Variants in PAFAH2 observed in about 807,000 individuals in gnomAD.
The protein encoded by PAFAH2 is platelet activating factor acetylhydrolase 2.
A neutral mutation model predicts 49.0 loss-of-function variants in PAFAH2; 42 were observed. The observed-to-expected ratio is 0.86, with a 90% confidence interval of 0.67 to 1.11. The LOEUF (loss-of-function observed/expected upper bound fraction) is 1.11, where lower values mean the gene tolerates loss of function less well. Ranked by LOEUF, PAFAH2 falls within the 50% of genes least tolerant of loss-of-function variation. The pLI is 0.00. For synonymous variants in PAFAH2, 184 were observed against 181.3 expected (o/e 1.01, Z -0.12); for missense variants, 503 against 501.8 (o/e 1.00, Z -0.02).
intron 4 of PAFAH2, among the ~76,000 whole-genome samples, chr1:25,986,970 G>A (rs1452340472): frequency 1.3e-5 from 2 of 151,898 alleles, no homozygotes; most frequent in Non-Finnish European, 1.5e-5. Flanking sequence ...CCTGACAGGC[G>A]CGGTGGCTCA....
In PAFAH2 at chr1:25,961,968, T is replaced by A; in HGVS notation, c.*21A>T. ...CAAATGAAAACTTGGCTGAAGTGAC[T>A]TTACAAATGGCCAGTTGTGCCTACA... On this transcript the variant is annotated 3_prime_UTR_variant, in exon 11 of 11. Coordinates refer to ENST00000374282, the MANE Select transcript of PAFAH2 (RefSeq NM_000437.4). 1 of 1,604,886 alleles carries A rather than the reference T, an allele frequency of 6.2e-7. No homozygotes were observed. The highest frequency in any genetic ancestry group is 8.5e-7 in the Non-Finnish European group (1 of 1,172,534).
chr1:25,987,016 G>A (rs1237187475), intron 4 of PAFAH2, among the ~76,000 whole-genome samples: 1 of 151,482 alleles, frequency 6.6e-6, no homozygotes, highest in Admixed American at 6.6e-5. Flanking sequence ...GGCTGAGGCA[G>A]GTGGATTGCC....
At chr1:25,993,012 G>A (rs1314991930) in intron 1 of PAFAH2, among the ~76,000 whole-genome samples, 1 of 152,166 alleles carries the variant, frequency 6.6e-6, no homozygotes, top group African/African-American at 2.4e-5. Flanking sequence ...GCCACCTTGA[G>A]GATGAAGATA....
intron 1 of PAFAH2, among the ~76,000 whole-genome samples, chr1:25,996,335 G>C (rs1342818339): frequency 6.6e-6 from 1 of 152,106 alleles, no homozygotes; most frequent in African/African-American, 2.4e-5. Context: ...ACTGCACTTC[G>C]GCCTGGGTGA....
At chr1:25,989,698 G>C in intron 2 of PAFAH2, 97 bp from the exon 3 acceptor site, 2 of 1,019,906 alleles carry the variant, frequency 2.0e-6, no homozygotes, top group Non-Finnish European at 2.6e-6. Context: ...CAGCAAAACA[G>C]GGCACCAAAA....
rs2049333916 is a variant in PAFAH2 at position 25,961,182 on chromosome 1, GT to G, written c.*806del. Reference sequence around the variant, plus strand: ...TTTTAGCTGACCAAACTACTTCTCTGTTGTGGCAAAGGCCTGTGCAAATGGC... The same window carrying G: ...TTTTAGCTGACCAAACTACTTCTCTGTGTGGCAAAGGCCTGTGCAAATGGC... On this transcript the variant is annotated 3_prime_UTR_variant, in exon 11 of 11. Coordinates refer to ENST00000374282, the MANE Select transcript of PAFAH2 (RefSeq NM_000437.4). The G allele has an allele frequency of 6.6e-6, 1 of 152,240 alleles. No individual in the cohort carries two copies. Among genetic ancestry groups the G allele is most frequent in the African/African-American group, 2.4e-5 (1 of 41,440 alleles). The allele number at this position is 152,240 out of a possible 1,614,324, so 9.4% of individuals were successfully genotyped here.
chr1:25,971,324 C>G (rs1357978209), intron 10 of PAFAH2, among the ~76,000 whole-genome samples: 1 of 152,102 alleles, frequency 6.6e-6, no homozygotes, highest in Non-Finnish European at 1.5e-5. Context: ...CAAAGAGGAG[C>G]TGATACAATC....
At chr1:25,965,936 A>G (rs2049415214) in intron 10 of PAFAH2, among the ~76,000 whole-genome samples, 1 of 151,828 alleles carries the variant, frequency 6.6e-6, no homozygotes, top group African/African-American at 2.4e-5. Flanking sequence ...TGGACTCAAA[A>G]AAAGAAAAAA....
At chr1:25,962,759 C>A (rs1342391463) in intron 10 of PAFAH2, among the ~76,000 whole-genome samples, 1 of 149,074 alleles carries the variant, frequency 6.7e-6, no homozygotes, top group Admixed American at 6.8e-5. Flanking sequence ...AAGGAGTTGG[C>A]GGCAGTGAGC....
Position 25,982,484 on chromosome 1 carries a change from C to G in PAFAH2, c.553-7G>C. The G allele has an allele frequency of 6.2e-7, 1 of 1,602,990 alleles. No individual in the cohort carries two copies. The highest frequency in any genetic ancestry group is 2.2e-5 in the East Asian group (1 of 44,818). ...CGCTTACCCGCTGATGCACCTGCAA[C>G]AGAGACAGTCCCAGTGGGACTGGAA... On this transcript the variant is annotated splice_region_variant and splice_polypyrimidine_tract_variant and intron_variant, in intron 6 of 10. Coordinates refer to ENST00000374282, the MANE Select transcript of PAFAH2 (RefSeq NM_000437.4).
At chr1:25,971,255 C>A (rs1250639378) in intron 10 of PAFAH2, among the ~76,000 whole-genome samples, 1 of 152,146 alleles carries the variant, frequency 6.6e-6, no homozygotes, top group Non-Finnish European at 1.5e-5. Flanking sequence ...CAGAAAGGGA[C>A]CTCTGATGCA....
At chr1:25,985,851 C>T (rs145339212) in intron 4 of PAFAH2, among the ~76,000 whole-genome samples, 22 of 152,302 alleles carry the variant, frequency 1.4e-4, no homozygotes, top group African/African-American at 4.8e-4. Context: ...GCGATTTCCT[C>T]GATTTGTTAA....
intron 8 of PAFAH2, 96 bp from the exon 9 acceptor site, chr1:25,974,746 G>T: frequency 8.3e-7 from 1 of 1,211,726 alleles, no homozygotes; most frequent in Non-Finnish European, 1.1e-6. Context: ...CCTCTGGTGG[G>T]GTAAAGGCTC....
In PAFAH2 at chr1:25,989,470, G is replaced by GC. The variant is rs574697983; in HGVS notation, c.221dup (p.Leu76AlafsTer14). The GC allele has an allele frequency of 1.8e-4, 288 of 1,602,236 alleles. 1 individual carries two copies. In the East Asian group the frequency reaches 6.5e-3, roughly 36 times the overall value. Reference sequence around the variant, plus strand: ...TACCCACCGCCAGGTTGAACAGCAAGCCCCCGCAGCGCTTATTAAACTGCA... The same window carrying GC: ...TACCCACCGCCAGGTTGAACAGCAAGCCCCCCGCAGCGCTTATTAAACTGCA... On this transcript the variant is annotated frameshift_variant, in exon 3 of 11. Coordinates refer to ENST00000374282, the MANE Select transcript of PAFAH2 (RefSeq NM_000437.4). LOFTEE classifies it high-confidence loss of function.
At chr1:25,974,744 G>C (rs1459992996) in intron 8 of PAFAH2, 94 bp from the exon 9 acceptor site, 2 of 1,249,268 alleles carry the variant, frequency 1.6e-6, no homozygotes, top group African/African-American at 3.0e-5. Flanking sequence ...TCCCTCTGGT[G>C]GGGTAAAGGC....
Position 25,974,499 on chromosome 1 carries a change from A to G in PAFAH2, c.910T>C (p.Ser304Pro). Reference sequence around the variant, plus strand: ...ACTCACAGAACGGTTATGATCCTAGACTGTTCATGCTGGGCACATATCTTC... The same window carrying G: ...ACTCACAGAACGGTTATGATCCTAGGCTGTTCATGCTGGGCACATATCTTC... The part of the protein sequence containing the change: ...MKKICAQHEQ[S>P]RIITVLGSVH... The change falls in exon 9 of 11, where the codon TCT becomes CCT. Residue 304 changes from serine (S) to proline (P), a missense_variant. Ser to Pro is a moderately conservative substitution (Grantham distance 74). Transcript: ENST00000374282. The G allele has an allele frequency of 6.2e-7, 1 of 1,613,586 alleles. No homozygotes were observed. The highest frequency in any genetic ancestry group is 2.2e-5 in the East Asian group (1 of 44,868).
At chr1:25,967,450 C>T (rs569155031) in intron 10 of PAFAH2, among the ~76,000 whole-genome samples, 38 of 152,212 alleles carry the variant, frequency 2.5e-4, no homozygotes, top group African/African-American at 8.2e-4. Context: ...GCCCCGCAAG[C>T]AGCACAGCAG....
intron 4 of PAFAH2, among the ~76,000 whole-genome samples, chr1:25,987,389 A>ATT (rs2049798298): frequency 6.6e-6 from 1 of 152,186 alleles, no homozygotes; most frequent in African/African-American, 2.4e-5. Context: ...GACCTAAACT[A>ATT]GACATATATG....
In PAFAH2 at chr1:25,959,993, C is replaced by T. The variant is rs1572332288; in HGVS notation, c.*1996G>A. The T allele has an allele frequency of 6.6e-6, 1 of 152,308 alleles. No homozygotes were observed. The highest frequency in any genetic ancestry group is 1.5e-5 in the Non-Finnish European group (1 of 68,018). The allele number at this position is 152,308 out of a possible 1,614,324, so 9.4% of individuals were successfully genotyped here. On this transcript the variant is annotated 3_prime_UTR_variant, in exon 11 of 11. Transcript: ENST00000374282. Reference sequence around the variant, plus strand: ...AACCCATGGGTTATACATCCTCTCACTTAATCCTCCTAACTATTCATAACG... The same window carrying T: ...AACCCATGGGTTATACATCCTCTCATTTAATCCTCCTAACTATTCATAACG...
Sources: gnomAD v4.1 joint callset for allele counts (sites outside exome capture counted in the v4.1 genomes callset) on GRCh38, gnomAD v4.1.1 for gene constraint, MANE v1.5 for transcripts, NCBI Gene and HGNC (gene_info 2026-07-23, HGNC 2026-07-21) for gene names.